SLC4A8: variants seen among roughly 807,000 people sequenced by gnomAD.
SLC4A8 encodes the protein electroneutral sodium bicarbonate exchanger 1.
A neutral mutation model predicts 125.0 loss-of-function variants in SLC4A8; 40 were observed. The ratio of observed to expected loss-of-function variants is 0.32; its 90% CI spans 0.25 to 0.42. The LOEUF (loss-of-function observed/expected upper bound fraction) is 0.42. Among genes scored for constraint, SLC4A8 ranks in the 10% least tolerant of loss-of-function variants. The pLI, the probability that SLC4A8 is intolerant of heterozygous loss-of-function variation, is 1.00. For synonymous variants in SLC4A8, 456 were observed against 476.0 expected (o/e 0.96, Z 0.55); for missense variants, 863 against 1,355.1 (o/e 0.64, Z 5.70).
chr12:51,467,933 A>G (rs1258616292), intron 11 of SLC4A8, among the ~76,000 whole-genome samples: 1 of 152,218 alleles, frequency 6.6e-6, no homozygotes, highest in Non-Finnish European at 1.5e-5. Context: ...TACATTGTCT[A>G]ATGCTCAGTT....
intron 1 of SLC4A8, among the ~76,000 whole-genome samples, chr12:51,413,530 A>G (rs1214888931): frequency 3.3e-5 from 5 of 152,134 alleles, no homozygotes; most frequent in Non-Finnish European, 7.4e-5. Context: ...GTTTTCTTCT[A>G]GTAGTATTTA....
At position 51,512,748 on chromosome 12, in the gene SLC4A8, C is replaced by G. The variant is rs1373062133; in HGVS notation, c.*5310C>G. ...TTACTACTAGTCTTTGTGTACCTAT[C>G]TGGAGGGACATTAAAAAAATATGGC... On this transcript the variant is annotated 3_prime_UTR_variant, in exon 25 of 25. Coordinates refer to ENST00000453097, the MANE Select transcript of SLC4A8 (RefSeq NM_001039960.3). The G allele has an allele frequency of 6.6e-6, 1 of 152,060 alleles. No individual in the cohort carries two copies. Among genetic ancestry groups the G allele is most frequent in the Non-Finnish European group, 1.5e-5 (1 of 68,028 alleles). 9.4% of individuals were successfully genotyped at this position (152,060 alleles called of 1,614,324 possible).
At chr12:51,433,642 G>A (rs1037032829) in intron 1 of SLC4A8, among the ~76,000 whole-genome samples, 2 of 152,098 alleles carry the variant, frequency 1.3e-5, no homozygotes, top group African/African-American at 4.8e-5. Context: ...TACTATCAGA[G>A]GAAATAATAG....
At position 51,458,599 on chromosome 12, in the gene SLC4A8, T is replaced by C; in HGVS notation, c.804T>C (p.Leu268=). 2 of 1,613,908 alleles carry C rather than the reference T, an allele frequency of 1.2e-6. No homozygotes were observed. Among genetic ancestry groups the C allele is most frequent in the African/African-American group, 1.3e-5 (1 of 75,030 alleles). Residue 268 remains leucine (L), a synonymous_variant, in exon 7 of 25, where the codon CTT becomes CTC. Coordinates refer to ENST00000453097, the MANE Select transcript of SLC4A8 (RefSeq NM_001039960.3). ...CTCAGTCTGTTCCAACTACAAATCT[T>C]GAAGTAAAAAATGGAGTGAATTGTG... ...VSPQSVPTTN[L]EVKNGVNCEH...
At chr12:51,414,254 T>C (rs1433260283) in intron 1 of SLC4A8, among the ~76,000 whole-genome samples, 1 of 152,102 alleles carries the variant, frequency 6.6e-6, no homozygotes, top group Non-Finnish European at 1.5e-5. Flanking sequence ...ATGCTGTTGA[T>C]TTTTATAGGT....
intron 17 of SLC4A8, among the ~76,000 whole-genome samples, chr12:51,488,381 G>A (rs1205270858): frequency 6.6e-6 from 1 of 152,120 alleles, no homozygotes; most frequent in Non-Finnish European, 1.5e-5. Context: ...AAGTCCTCAG[G>A]CATTCATAGT....
In SLC4A8 at chr12:51,452,133, C is replaced by T. The variant is rs1391388882; in HGVS notation, c.287C>T (p.Ser96Phe). 6.2e-7 allele frequency: 1 copy of T among 1,614,128 alleles called. No homozygotes were observed. Among genetic ancestry groups the T allele is most frequent in the East Asian group, 2.2e-5 (1 of 44,888 alleles). The change falls in exon 4 of 25, where the codon TCT becomes TTT. Residue 96 changes from serine (S) to phenylalanine (F), a missense_variant. Physicochemically the swap from Ser to Phe is radical, Grantham distance 155. Transcript: ENST00000453097. ...GLEALAHDTP[S>F]QRVQFILGTE... is the part of the protein sequence containing the mutation. ...TTGGTTGATTTCCTAGACACACCAT[C>T]TCAGCGTGTTCAGTTCATTCTTGGC...
intron 1 of SLC4A8, among the ~76,000 whole-genome samples, chr12:51,413,344 A>T (rs548464749): frequency 4.6e-5 from 7 of 152,260 alleles, no homozygotes; most frequent in African/African-American, 1.7e-4. Context: ...TTTGCAAATA[A>T]TTTCTCTCAT....
At chr12:51,483,152 G>T (rs1233855921) in intron 16 of SLC4A8, among the ~76,000 whole-genome samples, 1 of 152,124 alleles carries the variant, frequency 6.6e-6, no homozygotes, top group East Asian at 1.9e-4. Flanking sequence ...CTTGGTGGAG[G>T]CTGAGCCTGT....
At chr12:51,424,075 AAC>A (rs1390478848), upstream of SLC4A8, among the ~76,000 whole-genome samples, 3 of 129,754 alleles carry the variant, frequency 2.3e-5, no homozygotes, top group East Asian at 3.1e-4. Flanking sequence ...ACAAAAAAAA[AAC>A]AAAAAAAACC....
chr12:51,473,181 T>C (rs904596274), intron 14 of SLC4A8, among the ~76,000 whole-genome samples: 1 of 152,196 alleles, frequency 6.6e-6, no homozygotes, highest in African/African-American at 2.4e-5. Context: ...TTCACTTCCT[T>C]AAAAATCTCC....
At position 51,469,744 on chromosome 12, in the gene SLC4A8, A is replaced by G; in HGVS notation, c.1480A>G (p.Ile494Val). The G allele has an allele frequency of 6.2e-7, 1 of 1,614,070 alleles. No homozygotes were observed. Among genetic ancestry groups the G allele is most frequent in the Non-Finnish European group, 8.5e-7 (1 of 1,180,018 alleles). The stretch of plus-strand genomic sequence containing the variant: ...GTACTGTGCCTGCATGTCACCTGTC[A>G]TCACCTTTGGGGGACTGCTTGGAGA... The part of the protein sequence containing the change: ...FLYCACMSPV[I>V]TFGGLLGEAT... Residue 494 changes from isoleucine to valine, a missense_variant, in exon 12 of 25, where the codon ATC (isoleucine) becomes GTC (valine). By Grantham distance (29) the Ile-to-Val change is conservative. Around this residue, in one of 6 missense-constraint regions of SLC4A8, gnomAD observed 390 missense variants for 634.4 expected, o/e 0.61. Coordinates refer to ENST00000453097, the MANE Select transcript of SLC4A8 (RefSeq NM_001039960.3).
intron 1 of SLC4A8, among the ~76,000 whole-genome samples, chr12:51,393,673 G>A (rs1354120848): frequency 4.6e-5 from 7 of 152,164 alleles, no homozygotes; most frequent in Non-Finnish European, 1.0e-4. Flanking sequence ...CGTGAAGGAT[G>A]GACATTCTCC....
In SLC4A8 at chr12:51,399,991, A is replaced by C. The variant is rs867156981; in HGVS notation, c.-112+8503A>C. 5.3e-5 allele frequency among the ~76,000 whole-genome samples: 8 copies of C among 151,966 alleles called. No homozygotes were observed. The South Asian group carries it at 6.2e-4, about 12-fold the overall frequency. On this transcript the variant is annotated intron_variant, in intron 1 of 24. Coordinates refer to the SLC4A8 transcript ENST00000358657. ...GCAACACTTCGTCTCAAAAAAAAAA[A>C]AAAAAAAAACCATGTTGGCACTGTC...
chr12:51,404,693 G>A (rs1034015748), intron 1 of SLC4A8, among the ~76,000 whole-genome samples: 3 of 152,190 alleles, frequency 2.0e-5, no homozygotes, highest in African/African-American at 7.2e-5. Flanking sequence ...TGAGAAAGCA[G>A]AGAAAGATAA....
intron 22 of SLC4A8, among the ~76,000 whole-genome samples, chr12:51,500,700 T>C (rs1260716796): frequency 2.6e-5 from 4 of 152,014 alleles, no homozygotes; most frequent in African/African-American, 9.7e-5. Context: ...CTTTTCTTTT[T>C]TTTTGAGATG....
At position 51,458,585 on chromosome 12, in the gene SLC4A8, C is replaced by G. The variant is rs1372212149; in HGVS notation, c.790C>G (p.Pro264Ala). The part of the protein sequence containing the change: ...HGQTVSPQSV[P>A]TTNLEVKNGV... ...TCAAACCGTGTCTCCTCAGTCTGTTCCAACTACAAATCTTGAAGTAAAAAA... is the reference window on the plus strand; with the variant it reads ...TCAAACCGTGTCTCCTCAGTCTGTTGCAACTACAAATCTTGAAGTAAAAAA... The change falls in exon 7 of 25, where the codon CCA becomes GCA. Residue 264 changes from proline to alanine, a missense_variant. Physicochemically the swap from Pro to Ala is conservative, Grantham distance 27. Coordinates refer to ENST00000453097, the MANE Select transcript of SLC4A8 (RefSeq NM_001039960.3). 4 of 1,613,566 alleles carry G rather than the reference C, an allele frequency of 2.5e-6. No homozygotes were observed. The highest frequency in any genetic ancestry group is 3.4e-6 in the Non-Finnish European group (4 of 1,179,566).
At chr12:51,425,827 G>T (rs1948952185) in intron 1 of SLC4A8, among the ~76,000 whole-genome samples, 1 of 152,194 alleles carries the variant, frequency 6.6e-6, no homozygotes, top group Non-Finnish European at 1.5e-5. Flanking sequence ...ATTAAAATGG[G>T]AATAGTTATG....
intron 1 of SLC4A8, among the ~76,000 whole-genome samples, chr12:51,398,171 T>A (rs1447149901): frequency 6.6e-6 from 1 of 152,204 alleles, no homozygotes; most frequent in African/African-American, 2.4e-5. Flanking sequence ...CAAGTCTGTC[T>A]CTCCATTTAT....
Sources: gnomAD v4.1 joint callset for allele counts (sites outside exome capture counted in the v4.1 genomes callset) on GRCh38, gnomAD v4.1.1 for gene constraint, gnomAD v4.1.1 regional missense constraint, MANE v1.5 for transcripts, NCBI Gene and HGNC (gene_info 2026-07-23, HGNC 2026-07-21) for gene names.